The following ADAM10 variants were observed in gnomAD, a reference collection of about 807,000 sequenced individuals.
ADAM10 encodes the protein ADAM metallopeptidase domain 10, also known as disintegrin and metalloproteinase domain-containing protein 10.
In ADAM10, 17 loss-of-function variants were observed where a neutral mutation model predicts 90.1. The ratio of observed to expected loss-of-function variants is 0.19; its 90% CI spans 0.13 to 0.28. ADAM10 has a LOEUF of 0.28. Ranked by LOEUF, ADAM10 falls within the 10% of genes least tolerant of loss-of-function variation. The probability of loss-of-function intolerance (pLI) is 1.00; values close to 1 mark genes in which losing one functional copy is unlikely to be tolerated. For synonymous variants in ADAM10, 310 were observed against 298.6 expected, an observed-to-expected ratio of 1.04 and a Z score of -0.40; for missense variants, 610 against 914.3, an observed-to-expected ratio of 0.67 and a Z score of 4.29.
intron 2 of ADAM10, among the ~76,000 whole-genome samples, chr15:58,696,685 G>A (rs562604190): frequency 3.3e-5 from 5 of 152,062 alleles, no homozygotes; most frequent in Admixed American, 1.3e-4. Context: ...GGCTAGTCTC[G>A]AACTCCTGAC....
chr15:58,708,665 C>T (rs1247658590), intron 2 of ADAM10, among the ~76,000 whole-genome samples: 1 of 152,094 alleles, frequency 6.6e-6, no homozygotes, highest in Non-Finnish European at 1.5e-5. Context: ...AAAATACCAA[C>T]CTGGCAATTG....
At chr15:58,601,114 G>C (rs375620941) in intron 14 of ADAM10, among the ~76,000 whole-genome samples, 1 of 152,088 alleles carries the variant, frequency 6.6e-6, no homozygotes, top group East Asian at 1.9e-4. Flanking sequence ...TATTTTGAAA[G>C]AGTCTCAAAC....
intron 2 of ADAM10, among the ~76,000 whole-genome samples, chr15:58,712,126 A>G (rs762768780): frequency 3.3e-5 from 5 of 152,318 alleles, no homozygotes; most frequent in Middle Eastern, 3.4e-3. Context: ...ATTTTCACCT[A>G]TATCAATATA....
At chr15:58,687,928 G>A (rs1897651528) in intron 2 of ADAM10, among the ~76,000 whole-genome samples, 1 of 152,138 alleles carries the variant, frequency 6.6e-6, no homozygotes, top group Non-Finnish European at 1.5e-5. Context: ...GCCATAAAGG[G>A]ATAGCACAAG....
chr15:58,613,234 C>T (rs1475889425), intron 11 of ADAM10, among the ~76,000 whole-genome samples: 1 of 152,168 alleles, frequency 6.6e-6, no homozygotes, highest in East Asian at 1.9e-4. Context: ...TATACCACTG[C>T]ACCTACCTGG....
At position 58,691,115 on chromosome 15, in the gene ADAM10, G is replaced by T. The variant is rs749921397; in HGVS notation, c.207-8801C>A. 1.1e-4 allele frequency: 77 copies of T among 676,348 alleles called. 1 individual carries two copies. In the Admixed American group the frequency reaches 1.4e-3, roughly 12 times the overall value. 41.9% of individuals were successfully genotyped at this position (676,348 alleles called of 1,614,324 possible). On this transcript the variant is annotated intron_variant, in intron 2 of 15. Coordinates refer to ENST00000260408, the MANE Select transcript of ADAM10 (RefSeq NM_001110.4). ...TCATATTGGCTATCTAGCTGTAGGTGCTGGTCACAATGCGGCAGGGTGAAG... is the reference window on the plus strand; with the variant it reads ...TCATATTGGCTATCTAGCTGTAGGTTCTGGTCACAATGCGGCAGGGTGAAG...
chr15:58,660,215 G>T (rs1896935026), intron 5 of ADAM10, among the ~76,000 whole-genome samples: 1 of 150,188 alleles, frequency 6.7e-6, no homozygotes, highest in African/African-American at 2.5e-5. Context: ...TTTTAAATAG[G>T]GTCTCACTCT....
At chr15:58,665,874 CAT>C (rs1897070617) in intron 4 of ADAM10, among the ~76,000 whole-genome samples, 1 of 151,952 alleles carries the variant, frequency 6.6e-6, no homozygotes, top group East Asian at 1.9e-4. Context: ...TGACTGATGA[CAT>C]CATTCATCAT....
rs1322728234 is a variant in ADAM10 at position 58,592,338 on chromosome 15, G to A, written c.*5209C>T. 4 of 152,112 alleles carry A rather than the reference G, an allele frequency of 2.6e-5. No individual in the cohort carries two copies. The highest frequency in any genetic ancestry group is 9.7e-5 in the African/African-American group (4 of 41,400). The allele number at this position is 152,112 out of a possible 1,614,324, so 9.4% of individuals were successfully genotyped here. ...AATTTCTTTAAAAGCGTATCCCAAAGGTAACTATAATTCTGTCCACTACCA... is the reference window on the plus strand; with the variant it reads ...AATTTCTTTAAAAGCGTATCCCAAAAGTAACTATAATTCTGTCCACTACCA... On this transcript the variant is annotated 3_prime_UTR_variant, in exon 16 of 16. Transcript: ENST00000260408.
intron 2 of ADAM10, among the ~76,000 whole-genome samples, chr15:58,716,055 T>G (rs1385559572): frequency 1.3e-5 from 2 of 152,162 alleles, no homozygotes; most frequent in Admixed American, 1.3e-4. Context: ...TAAATCTTTT[T>G]CCCTCCTTCA....
chr15:58,614,238 CTG>C (rs1294520407), intron 11 of ADAM10, among the ~76,000 whole-genome samples: 3 of 151,686 alleles, frequency 2.0e-5, no homozygotes, highest in African/African-American at 7.3e-5. Flanking sequence ...TGAGCTCAAA[CTG>C]TACCACTGCA....
intron 3 of ADAM10, among the ~76,000 whole-genome samples, chr15:58,681,975 C>A (rs969252706): frequency 6.6e-6 from 1 of 152,134 alleles, no homozygotes; most frequent in Non-Finnish European, 1.5e-5. Context: ...CAAAATTTCA[C>A]CCCTTTCAGA....
chr15:58,611,289 A>T (rs1312174429), intron 12 of ADAM10, 182 bp from the exon 13 acceptor site: 1 of 593,304 alleles, frequency 1.7e-6, no homozygotes, highest in African/African-American at 1.9e-5. Flanking sequence ...AAATTTGAAA[A>T]ACAGTAAATC....
In ADAM10 at chr15:58,745,052, G is replaced by A. The variant is rs1265319735; in HGVS notation, c.55+4428C>T. Among the ~76,000 whole-genome samples, 4 of 152,144 alleles carry A rather than the reference G, an allele frequency of 2.6e-5. No homozygotes were observed. In the East Asian group the frequency reaches 7.7e-4, roughly 29 times the overall value. ...ACAAAAATTAGCCAGGCGTGGTGGT[G>A]CGCACCTGTAGTCCTAGCTACTCTG... On this transcript the variant is annotated intron_variant, in intron 1 of 15. Coordinates refer to ENST00000260408, the MANE Select transcript of ADAM10 (RefSeq NM_001110.4).
At chr15:58,737,035 T>A (rs548112105) in intron 1 of ADAM10, among the ~76,000 whole-genome samples, 1 of 151,916 alleles carries the variant, frequency 6.6e-6, no homozygotes, top group Non-Finnish European at 1.5e-5. Flanking sequence ...TTCTAAGAAA[T>A]AGAAAAAACA....
intron 1 of ADAM10, chr15:58,747,763 A>G (rs545493324): frequency 3.0e-4 from 45 of 152,338 alleles, no homozygotes; most frequent in African/African-American, 8.9e-4. Flanking sequence ...AAATTTTTGT[A>G]TAAGAGTTTT....
In ADAM10 at chr15:58,690,936, G is replaced by A. The variant is rs1238708078; in HGVS notation, c.207-8622C>T. ...TGTGGTTTCAAACAGCAGCACCACC[G>A]GGTCACTGACAGCCTCGTTGTTCTT... On this transcript the variant is annotated intron_variant, in intron 2 of 15. Coordinates refer to ENST00000260408, the MANE Select transcript of ADAM10 (RefSeq NM_001110.4). Among the ~76,000 whole-genome samples the A allele has an allele frequency of 2.0e-5, 3 of 152,178 alleles. No individual in the cohort carries two copies. The South Asian group carries it at 6.2e-4, about 31-fold the overall frequency.
chr15:58,674,872 G>C (rs1897275772), intron 4 of ADAM10, among the ~76,000 whole-genome samples: 1 of 152,206 alleles, frequency 6.6e-6, no homozygotes, highest in Non-Finnish European at 1.5e-5. Context: ...TTCTAAAGTA[G>C]GGGTGCCCTA....
At chr15:58,680,049 T>A (rs1566991883) in intron 3 of ADAM10, among the ~76,000 whole-genome samples, 1 of 152,184 alleles carries the variant, frequency 6.6e-6, no homozygotes, top group Non-Finnish European at 1.5e-5. Context: ...AAAAAGCTCC[T>A]TTTCCATCCG....
Sources: allele counts gnomAD v4.1 joint callset (sites outside exome capture counted in the v4.1 genomes callset), GRCh38; gene constraint gnomAD v4.1.1; transcripts MANE v1.5; gene names NCBI Gene and HGNC (gene_info 2026-07-23, HGNC 2026-07-21).